The following DZANK1 variants were observed in gnomAD, a reference collection of about 807,000 sequenced individuals.
DZANK1 encodes double zinc ribbon and ankyrin repeat domains 1, also known as double zinc ribbon and ankyrin repeat-containing protein 1.
In DZANK1, 91 loss-of-function variants were observed where a neutral mutation model predicts 94.5. That is an observed-to-expected ratio of 0.96 (90% confidence interval 0.81 to 1.15). The LOEUF (loss-of-function observed/expected upper bound fraction) is 1.15. DZANK1 is among the 50% of genes most tolerant of loss of function. DZANK1 has a pLI of 0.00. For missense variants in DZANK1, 903 were observed against 916.4 expected, an observed-to-expected ratio of 0.99 and a Z score of 0.19; for synonymous variants, 312 against 325.3, an observed-to-expected ratio of 0.96 and a Z score of 0.44.
chr20:18,391,001 G>C (rs1308392010), intron 17 of DZANK1, among the ~76,000 whole-genome samples: 1 of 152,100 alleles, frequency 6.6e-6, no homozygotes, highest in Admixed American at 6.6e-5. Context: ...TTTGAGACCA[G>C]CCTAGCCAAC....
chr20:18,452,346 C>T (rs1309524094), intron 6 of DZANK1, among the ~76,000 whole-genome samples: 1 of 152,176 alleles, frequency 6.6e-6, no homozygotes, highest in African/African-American at 2.4e-5. Context: ...ACTGCTCTAT[C>T]TCATTACCAT....
At chr20:18,436,559 G>GA in intron 8 of DZANK1, among the ~76,000 whole-genome samples, 1 of 151,860 alleles carries the variant, frequency 6.6e-6, no homozygotes, top group Admixed American at 6.6e-5. Context: ...GAAGAACAGA[G>GA]AAAAAAGACT....
At chr20:18,465,117 T>C (rs2059599097) in intron 2 of DZANK1, 133 bp downstream of exon 2, 1 of 598,214 alleles carries the variant, frequency 1.7e-6, no homozygotes, top group South Asian at 2.1e-5. Flanking sequence ...TTTCAAATTT[T>C]AGAAGTTTTA....
At chr20:18,466,523 G>C (rs1355792191) in intron 1 of DZANK1, among the ~76,000 whole-genome samples, 1 of 152,204 alleles carries the variant, frequency 6.6e-6, no homozygotes, top group Non-Finnish European at 1.5e-5. Context: ...TAGCTCCTAC[G>C]GGAGTGTGGC....
At chr20:18,446,981 G>A (rs564723278) in intron 7 of DZANK1, among the ~76,000 whole-genome samples, 2 of 152,250 alleles carry the variant, frequency 1.3e-5, no homozygotes, top group East Asian at 3.9e-4. Context: ...ATATAAAATA[G>A]ATAACACTTC....
exon 21 of DZANK1, chr20:18,384,407 C>T: frequency 6.2e-7 from 1 of 1,610,370 alleles, no homozygotes; most frequent in Non-Finnish European, 8.5e-7. Context: ...GGCTAACAGT[C>T]ATCCAGGCTG....
intron 4 of DZANK1, 167 bp from the exon 5 acceptor site, chr20:18,453,994 T>C (rs1367794392): frequency 1.4e-6 from 1 of 729,930 alleles, no homozygotes; most frequent in East Asian, 2.6e-5. Flanking sequence ...TGCAGCTTTG[T>C]ATCTGGACTG....
chr20:18,413,563 C>T (rs1407617071), intron 12 of DZANK1, among the ~76,000 whole-genome samples: 1 of 152,040 alleles, frequency 6.6e-6, no homozygotes, highest in Non-Finnish European at 1.5e-5. Context: ...GGGTGGATCA[C>T]GAGGTAAGGA....
chr20:18,413,868 A>C (rs1215453613), intron 12 of DZANK1, among the ~76,000 whole-genome samples: 1 of 152,194 alleles, frequency 6.6e-6, no homozygotes. Context: ...TTCTTATAAT[A>C]AAGAGATAAG....
At chr20:18,400,652 G>A (rs1568896988) in intron 13 of DZANK1, among the ~76,000 whole-genome samples, 1 of 152,204 alleles carries the variant, frequency 6.6e-6, no homozygotes, top group Non-Finnish European at 1.5e-5. Context: ...GATCTGGCTT[G>A]GGGCATCTGG....
chr20:18,415,475 G>A, intron 10 of DZANK1, 26 bp from the exon 11 acceptor site: 1 of 1,478,030 alleles, frequency 6.8e-7, no homozygotes. Context: ...GCATTTAAAG[G>A]CAGGATCAGT....
At chr20:18,454,419 A>G (rs2059212666) in intron 4 of DZANK1, 2 of 180,658 alleles carry the variant, frequency 1.1e-5, no homozygotes, top group Non-Finnish European at 2.4e-5. Flanking sequence ...GCTTAAGTGA[A>G]ACCCCTATAA....
At chr20:18,463,154 T>C (rs2059531043) in intron 2 of DZANK1, among the ~76,000 whole-genome samples, 1 of 152,150 alleles carries the variant, frequency 6.6e-6, no homozygotes, top group African/African-American at 2.4e-5. Flanking sequence ...ATGTGGTACA[T>C]ACACACCATG....
Position 18,385,070 on chromosome 20 carries a change from T to C in DZANK1, c.2039A>G (p.His680Arg), listed in dbSNP as rs976296212. ...TGCAAGGCCAAGCAGAGTTGCTTCA[T>C]GAAGAGCTGTATTTCTGAGCCTAAT... The change falls in exon 20 of 21, where the codon CAT becomes CGT. Residue 680 changes from histidine to arginine, a missense_variant. Transcript: ENST00000262547. 15 of 1,553,102 alleles carry C rather than the reference T, an allele frequency of 9.7e-6. No homozygotes were observed. Among genetic ancestry groups the C allele is most frequent in the Non-Finnish European group, 1.3e-5 (15 of 1,147,826 alleles).
intron 8 of DZANK1, among the ~76,000 whole-genome samples, chr20:18,438,599 T>C (rs1476425391): frequency 6.6e-6 from 1 of 152,150 alleles, no homozygotes; most frequent in Non-Finnish European, 1.5e-5. Context: ...AGAGAGACAT[T>C]TGGGGATGAT....
chr20:18,426,429 CA>C (rs1334346125), intron 10 of DZANK1, among the ~76,000 whole-genome samples: 1 of 152,138 alleles, frequency 6.6e-6, no homozygotes, highest in Non-Finnish European at 1.5e-5. Context: ...GAGATGAGAA[CA>C]AACCTCACAA....
rs763509228 is a variant in DZANK1, at chr20:18,453,783, A to G, written c.423T>C (p.Tyr141=). ...AGCTGCGTTGATTTTCAGAGTTCTT[A>G]TATTTTTTCTTTAGTTTTGATCCAA... The change falls in exon 5 of 21, where the codon TAT becomes TAC. Residue 141 remains tyrosine, a synonymous_variant. Transcript: ENST00000262547. 9.3e-6 allele frequency: 15 copies of G among 1,612,796 alleles called. 1 individual carries two copies. The South Asian group carries it at 1.4e-4, about 15-fold the overall frequency.
chr20:18,465,069 AT>A (rs778033801), intron 2 of DZANK1, among the ~76,000 whole-genome samples, 180 bp downstream of exon 2: 2 of 152,166 alleles, frequency 1.3e-5, no homozygotes, highest in Non-Finnish European at 2.9e-5. Context: ...TTTAATCTAA[AT>A]GTATACCACT....
At chr20:18,423,042 A>G (rs2057867387) in intron 10 of DZANK1, among the ~76,000 whole-genome samples, 1 of 152,274 alleles carries the variant, frequency 6.6e-6, no homozygotes, top group Middle Eastern at 3.4e-3. Context: ...ATTTTGGTCA[A>G]TGATGAACTC....
Sources: allele counts gnomAD v4.1 joint callset (sites outside exome capture counted in the v4.1 genomes callset), GRCh38; gene constraint gnomAD v4.1.1; transcripts MANE v1.5; gene names NCBI Gene and HGNC (gene_info 2026-07-23, HGNC 2026-07-21).